The following KCNAB2 variants were observed in gnomAD, a reference collection of about 807,000 sequenced individuals.
The protein encoded by KCNAB2 is potassium voltage-gated channel subfamily A regulatory beta subunit 2.
A neutral mutation model predicts 63.6 loss-of-function variants in KCNAB2; 29 were observed. That is an observed-to-expected ratio of 0.46 (90% CI 0.34 to 0.62). The LOEUF is 0.62. Among genes scored for constraint, KCNAB2 ranks in the 20% least tolerant of loss-of-function variants. KCNAB2 has a pLI of 0.01. For synonymous variants in KCNAB2, 222 were observed against 224.2 expected (o/e 0.99, Z 0.09); for missense variants, 359 against 563.9 (o/e 0.64, Z 3.68).
chr1:6,004,906 A>G (rs1421755028), intron 1 of KCNAB2, among the ~76,000 whole-genome samples: 4 of 130,714 alleles, frequency 3.1e-5, no homozygotes, highest in Non-Finnish European at 6.7e-5. Flanking sequence ...CTCTGTAGGG[A>G]TTGCATACAA....
intron 1 of KCNAB2, among the ~76,000 whole-genome samples, chr1:6,002,935 C>T (rs1009975545): frequency 6.6e-6 from 1 of 152,180 alleles, no homozygotes; most frequent in African/African-American, 2.4e-5. Context: ...CCCCCTGCTT[C>T]GTCCCCTCCA....
At chr1:6,034,707 G>C (rs1193646030) in exon 1 of KCNAB2, 2 of 152,402 alleles carry the variant, frequency 1.3e-5, no homozygotes, top group Admixed American at 1.3e-4. Flanking sequence ...GCCATGGGCT[G>C]TGCTACCTGC....
chr1:6,062,081 G>A (rs1662363386), intron 2 of KCNAB2, among the ~76,000 whole-genome samples: 2 of 152,180 alleles, frequency 1.3e-5, no homozygotes. Context: ...AGAAGCCCAA[G>A]GCAGGCGGAT....
intron 2 of KCNAB2, among the ~76,000 whole-genome samples, chr1:6,056,542 C>T (rs1234519312): frequency 1.3e-5 from 2 of 152,214 alleles, no homozygotes; most frequent in East Asian, 3.9e-4. Context: ...GAAGCTGTGG[C>T]CGGGCCCACA....
chr1:6,090,544 T>C, intron 9 of KCNAB2, 69 bp downstream of exon 9: 1 of 1,244,966 alleles, frequency 8.0e-7, no homozygotes, highest in East Asian at 2.4e-5. Context: ...CCTGGGGTTG[T>C]AGAGGCCGCC....
chr1:5,999,261 G>A (rs1428234577), intron 1 of KCNAB2, among the ~76,000 whole-genome samples: 2 of 152,152 alleles, frequency 1.3e-5, no homozygotes, highest in South Asian at 2.1e-4. Context: ...CTGAGATATC[G>A]GTGTGCCCAG....
chr1:6,008,603 A>T (rs1657963823), intron 1 of KCNAB2, among the ~76,000 whole-genome samples: 1 of 138,702 alleles, frequency 7.2e-6, no homozygotes, highest in Non-Finnish European at 1.5e-5. Context: ...TCCAGCCTGG[A>T]GACGGAGCGA....
At chr1:6,033,295 G>A (rs553986695), upstream of KCNAB2, among the ~76,000 whole-genome samples, 1 of 131,838 alleles carries the variant, frequency 7.6e-6, no homozygotes, top group Non-Finnish European at 1.7e-5. Context: ...GGGCATGTGG[G>A]TGTGCATATG....
At chr1:6,029,214 C>G (rs535187158) in intron 1 of KCNAB2, among the ~76,000 whole-genome samples, 1 of 148,932 alleles carries the variant, frequency 6.7e-6, no homozygotes, top group South Asian at 2.1e-4. Flanking sequence ...ACCCAGGAGG[C>G]AGAGGCTGCA....
chr1:6,067,408 G>A (rs1466706168), intron 2 of KCNAB2, among the ~76,000 whole-genome samples: 1 of 152,186 alleles, frequency 6.6e-6, no homozygotes, highest in Non-Finnish European at 1.5e-5. Flanking sequence ...GCTGGTATGG[G>A]TGCCAACCTG....
At chr1:6,004,963 TGAGC>T (rs1657485100) in intron 1 of KCNAB2, among the ~76,000 whole-genome samples, 7 of 133,784 alleles carry the variant, frequency 5.2e-5, no homozygotes, top group South Asian at 2.5e-4. Context: ...ATGTGGGAGC[TGAGC>T]TGAGGGATGA....
At chr1:6,048,402 A>C (rs987357716) in intron 1 of KCNAB2, among the ~76,000 whole-genome samples, 2 of 152,224 alleles carry the variant, frequency 1.3e-5, no homozygotes, top group African/African-American at 2.4e-5. Context: ...AGCCTGGTAC[A>C]ACAGGCCTCT....
upstream of KCNAB2, among the ~76,000 whole-genome samples, chr1:6,033,276 TGCGTGTGTGG>T (rs1659770627): frequency 2.0e-5 from 3 of 149,502 alleles, no homozygotes; most frequent in South Asian, 6.5e-4. Flanking sequence ...TGTGTGCATG[TGCGTGTGTGG>T]GCATGTGGGT....
chr1:6,018,167 G>A (rs1658623816), intron 1 of KCNAB2, among the ~76,000 whole-genome samples: 1 of 150,182 alleles, frequency 6.7e-6, no homozygotes, highest in African/African-American at 2.5e-5. Flanking sequence ...CTCAGCTCAA[G>A]CAATCCTCCC....
At chr1:6,016,398 A>G (rs1658502246) in intron 1 of KCNAB2, among the ~76,000 whole-genome samples, 1 of 152,130 alleles carries the variant, frequency 6.6e-6, no homozygotes, top group African/African-American at 2.4e-5. Flanking sequence ...GTCACAATGG[A>G]GCTATTTAAA....
At position 6,098,099 on chromosome 1, in the gene KCNAB2, C is replaced by T. The variant is rs546792689; in HGVS notation, c.1159-386C>T. ...GGGGGTGAGAAGGCGAGGTGGAAGT[C>T]GGTCCCCGGGTGTGTCACCCGGAAG... On this transcript the variant is annotated intron_variant, in intron 15 of 15. Coordinates refer to ENST00000378083, the MANE Select transcript of KCNAB2 (RefSeq NM_001199862.2). 18 of 959,058 alleles carry T rather than the reference C, an allele frequency of 1.9e-5. No individual in the cohort carries two copies. In the Admixed American group the frequency reaches 2.3e-4, roughly 12 times the overall value. The allele number at this position is 959,058 out of a possible 1,614,324, so 59.4% of individuals were successfully genotyped here.
At chr1:6,040,448 C>T in intron 1 of KCNAB2, 1 of 847,080 alleles carries the variant, frequency 1.2e-6, no homozygotes, top group South Asian at 1.5e-5. Flanking sequence ...CCAGAGTCTC[C>T]CGGCCAAACC....
chr1:6,042,612 GGCA>G (rs547828926), upstream of KCNAB2, among the ~76,000 whole-genome samples: 13 of 152,258 alleles, frequency 8.5e-5, no homozygotes, highest in South Asian at 2.1e-3. Context: ...GGAGCCCATG[GGCA>G]GCAGCCTCCC....
At chr1:6,084,579 G>A (rs1664492259) in intron 5 of KCNAB2, among the ~76,000 whole-genome samples, 1 of 152,322 alleles carries the variant, frequency 6.6e-6, no homozygotes, top group Non-Finnish European at 1.5e-5. Context: ...ACTTTGGGAG[G>A]CCACAGTGGG....
Sources: allele counts gnomAD v4.1 joint callset (sites outside exome capture counted in the v4.1 genomes callset), GRCh38; gene constraint gnomAD v4.1.1; transcripts MANE v1.5; gene names NCBI Gene and HGNC (gene_info 2026-07-23, HGNC 2026-07-21).